TSHZ3: variants seen among roughly 807,000 people sequenced by gnomAD.
TSHZ3 encodes teashirt zinc finger homeobox 3.
A neutral mutation model predicts 64.5 loss-of-function variants in TSHZ3; 10 were observed. The ratio of observed to expected loss-of-function variants is 0.16; its 90% confidence interval spans 0.10 to 0.26. TSHZ3 has a LOEUF of 0.26. Among genes scored for constraint, TSHZ3 ranks in the 10% least tolerant of loss-of-function variants. The pLI is 1.00. For synonymous variants in TSHZ3, 608 were observed against 593.1 expected, an observed-to-expected ratio of 1.03 and a Z score of -0.36; for missense variants, 1,242 against 1,421.7, an observed-to-expected ratio of 0.87 and a Z score of 2.03.
intron 1 of TSHZ3, among the ~76,000 whole-genome samples, chr19:31,295,885 T>G (rs945560314): frequency 1.3e-5 from 2 of 149,134 alleles, no homozygotes; most frequent in African/African-American, 5.0e-5. Flanking sequence ...ACCCCAGTAG[T>G]GAGCATGATA....
intron 1 of TSHZ3, among the ~76,000 whole-genome samples, chr19:31,314,613 G>C (rs533326292): frequency 6.6e-6 from 1 of 152,194 alleles, no homozygotes; most frequent in Non-Finnish European, 1.5e-5. Flanking sequence ...TGCCAGATTC[G>C]TATTTTGCAA....
At chr19:31,290,441 C>T (rs1311377914) in intron 1 of TSHZ3, among the ~76,000 whole-genome samples, 2 of 152,030 alleles carry the variant, frequency 1.3e-5, no homozygotes, top group Non-Finnish European at 2.9e-5. Flanking sequence ...TAGCTAAACA[C>T]ACACTGGGGG....
intron 4 of TSHZ3, among the ~76,000 whole-genome samples, chr19:31,211,836 A>G (rs1441439009): frequency 1.3e-5 from 2 of 152,124 alleles, no homozygotes; most frequent in African/African-American, 4.8e-5. Flanking sequence ...ACTGGAAGAC[A>G]ACAAGGCCAG....
At chr19:31,309,088 T>C (rs1475692972) in intron 1 of TSHZ3, among the ~76,000 whole-genome samples, 1 of 152,098 alleles carries the variant, frequency 6.6e-6, no homozygotes, top group Non-Finnish European at 1.5e-5. Context: ...TGGGCTGCCT[T>C]GAGCTTTGCT....
At chr19:31,236,729 T>C (rs1315799050) in intron 3 of TSHZ3, among the ~76,000 whole-genome samples, 2 of 152,096 alleles carry the variant, frequency 1.3e-5, no homozygotes, top group Non-Finnish European at 2.9e-5. Flanking sequence ...GAAGAAAACA[T>C]AGGGAAAAAC....
intron 1 of TSHZ3, among the ~76,000 whole-genome samples, chr19:31,310,730 CT>C (rs1325616941): frequency 6.6e-6 from 1 of 152,222 alleles, no homozygotes; most frequent in African/African-American, 2.4e-5. Flanking sequence ...GCTACAAAAC[CT>C]CTCTACGTTT....
chr19:31,318,469 C>T (rs1439454496), intron 1 of TSHZ3, among the ~76,000 whole-genome samples: 6 of 152,098 alleles, frequency 3.9e-5, no homozygotes, highest in African/African-American at 1.2e-4. Flanking sequence ...ACAATAGGAA[C>T]TTTTTTGTAT....
At chr19:31,232,020 C>T (rs1161336018) in intron 3 of TSHZ3, among the ~76,000 whole-genome samples, 1 of 152,100 alleles carries the variant, frequency 6.6e-6, no homozygotes, top group Admixed American at 6.6e-5. Context: ...GCCTAAGAAT[C>T]AGGGATGGTC....
Position 31,278,854 on chromosome 19 carries a change from G to C in TSHZ3, c.939C>G (p.Ala313=). The C allele has an allele frequency of 6.2e-7, 1 of 1,614,062 alleles. No homozygotes were observed. Among genetic ancestry groups the C allele is most frequent in the Non-Finnish European group, 8.5e-7 (1 of 1,180,032 alleles). ...VPLKEPVTPV[A]AKIIPATRKK... is the part of the protein sequence containing the mutation. ...TCCGAGTGGCAGGGATGATTTTGGCGGCGACAGGAGTGACGGGTTCCTTCA... is the reference window on the plus strand; with the variant it reads ...TCCGAGTGGCAGGGATGATTTTGGCCGCGACAGGAGTGACGGGTTCCTTCA... The change falls in exon 2 of 2, where the codon GCC becomes GCG. Residue 313 remains alanine, a synonymous_variant. Coordinates refer to ENST00000240587, the MANE Select transcript of TSHZ3 (RefSeq NM_020856.4). This position sits in a 1 kb window ranked among gnomAD's most constrained non-coding sequence, Gnocchi z 4.7.
chr19:31,168,134 G>C (rs1307795859), intron 5 of TSHZ3, among the ~76,000 whole-genome samples: 1 of 152,126 alleles, frequency 6.6e-6, no homozygotes, highest in Non-Finnish European at 1.5e-5. Flanking sequence ...GTGCATAATT[G>C]ACATAATTGA....
intron 5 of TSHZ3, among the ~76,000 whole-genome samples, chr19:31,202,660 C>T (rs981037550): frequency 6.6e-6 from 1 of 152,142 alleles, no homozygotes; most frequent in African/African-American, 2.4e-5. Context: ...ATGAAATTTT[C>T]CAAGGGTAAA....
chr19:31,285,155 A>G (rs149371486), intron 1 of TSHZ3, among the ~76,000 whole-genome samples: 233 of 152,250 alleles, frequency 1.5e-3, no homozygotes, highest in African/African-American at 5.5e-3. Flanking sequence ...GAGCCTGCCC[A>G]AGCTGTGCCC....
chr19:31,183,661 G>C (rs1289532099), intron 5 of TSHZ3, among the ~76,000 whole-genome samples: 1 of 152,124 alleles, frequency 6.6e-6, no homozygotes. Flanking sequence ...TGATCCATGG[G>C]TTGCAATATG....
intron 1 of TSHZ3, among the ~76,000 whole-genome samples, chr19:31,311,137 G>A (rs956515995): frequency 2.0e-5 from 3 of 152,220 alleles, no homozygotes; most frequent in African/African-American, 7.2e-5. Context: ...GGTTTCACCA[G>A]TAGCAAGTCA....
chr19:31,289,538 C>T (rs1196310287), intron 1 of TSHZ3, among the ~76,000 whole-genome samples: 1 of 152,202 alleles, frequency 6.6e-6, no homozygotes, highest in Non-Finnish European at 1.5e-5. Flanking sequence ...CCCCGGGCCC[C>T]AGCCCCTGGT....
chr19:31,324,358 T>TA (rs1191945711), intron 1 of TSHZ3, among the ~76,000 whole-genome samples: 1 of 152,228 alleles, frequency 6.6e-6, no homozygotes, highest in Non-Finnish European at 1.5e-5. Flanking sequence ...CCAGTTGACT[T>TA]ACACCTCCCG....
chr19:31,326,039 CAT>C (rs1200596538), intron 1 of TSHZ3, among the ~76,000 whole-genome samples: 1 of 152,190 alleles, frequency 6.6e-6, no homozygotes, highest in East Asian at 1.9e-4. Flanking sequence ...TGCTTTATCA[CAT>C]ATATACCCAT....
intron 5 of TSHZ3, among the ~76,000 whole-genome samples, chr19:31,192,932 G>A (rs1406555753): frequency 1.3e-5 from 2 of 152,212 alleles, no homozygotes; most frequent in Non-Finnish European, 2.9e-5. Context: ...TGGAGAAGGT[G>A]ATTAGTGGGA....
rs558214851 is a variant in TSHZ3 at position 31,315,552 on chromosome 19, C to T, written c.40+33628G>A. ...GGGAGCTGGGTGTGTGCGCCCTAGA[C>T]TTCCCTCACTCGCCACCCAGCTTGG... On this transcript the variant is annotated intron_variant, in intron 1 of 1. Transcript: ENST00000240587. 5.9e-5 allele frequency among the ~76,000 whole-genome samples: 9 copies of T among 152,352 alleles called. No individual in the cohort carries two copies. The South Asian group carries it at 1.0e-3, about 18-fold the overall frequency.
Sources: allele counts gnomAD v4.1 joint callset (sites outside exome capture counted in the v4.1 genomes callset), GRCh38; gene constraint gnomAD v4.1.1; non-coding constraint Gnocchi (gnomAD v3.1); transcripts MANE v1.5; gene names NCBI Gene and HGNC (gene_info 2026-07-23, HGNC 2026-07-21).